LUC7L: variants seen among roughly 807,000 people sequenced by gnomAD.
LUC7L encodes putative RNA-binding protein Luc7-like 1.
Under a neutral mutation model 51.1 loss-of-function variants are expected in LUC7L, and 29 were observed. That is an observed-to-expected ratio of 0.57 (90% CI 0.42 to 0.77). The LOEUF (loss-of-function observed/expected upper bound fraction) is 0.77. LUC7L is among the 30% of genes least tolerant of loss of function. The pLI, the probability that LUC7L is intolerant of heterozygous loss-of-function variation, is 0.00. For synonymous variants in LUC7L, 181 were observed against 180.7 expected (o/e 1.00, Z -0.01); for missense variants, 403 against 511.9 (o/e 0.79, Z 2.05).
chr16:216,422 G>C (rs2049802660), intron 3 of LUC7L, among the ~76,000 whole-genome samples: 1 of 120,938 alleles, frequency 8.3e-6, no homozygotes, highest in Non-Finnish European at 1.6e-5. Context: ...TCGCTCGGTT[G>C]TCCAGGCTGG....
intron 3 of LUC7L, among the ~76,000 whole-genome samples, chr16:213,578 T>G (rs2049704140): frequency 6.6e-6 from 1 of 152,060 alleles, no homozygotes; most frequent in South Asian, 2.1e-4. Context: ...TTTATTTCTG[T>G]ATTTTTATTA....
chr16:225,836 C>T (rs1420283540), intron 2 of LUC7L, among the ~76,000 whole-genome samples: 1 of 151,560 alleles, frequency 6.6e-6, no homozygotes, highest in African/African-American at 2.4e-5. Flanking sequence ...AAAAGAAATA[C>T]TCTCACTCAG....
intron 1 of LUC7L, 99 bp downstream of exon 1, chr16:229,174 CGCGCAG>C (rs762568560): frequency 1.6e-5 from 24 of 1,465,114 alleles, no homozygotes; most frequent in Middle Eastern, 2.4e-4. Context: ...AGCGATGCCC[CGCGCAG>C]GCGCAGGCGC....
intron 3 of LUC7L, among the ~76,000 whole-genome samples, chr16:217,552 C>T (rs923735108): frequency 4.0e-5 from 6 of 148,930 alleles, no homozygotes; most frequent in Non-Finnish European, 7.4e-5. Flanking sequence ...ACTAAAAATA[C>T]AAAAATCAGC....
At chr16:213,695 G>A (rs1307480290) in intron 3 of LUC7L, among the ~76,000 whole-genome samples, 7 of 152,048 alleles carry the variant, frequency 4.6e-5, no homozygotes, top group East Asian at 3.8e-4. Context: ...GTGAGCCACC[G>A]CACCCGGCAG....
At chr16:216,769 TATTGTAC>T (rs2049813556) in intron 3 of LUC7L, among the ~76,000 whole-genome samples, 1 of 152,142 alleles carries the variant, frequency 6.6e-6, no homozygotes, top group Non-Finnish European at 1.5e-5. Context: ...AACTCTTGTA[TATTGTAC>T]ATTTTCACAT....
At chr16:206,369 C>T (rs370784358) in intron 4 of LUC7L, among the ~76,000 whole-genome samples, 2 of 152,224 alleles carry the variant, frequency 1.3e-5, no homozygotes, top group African/African-American at 4.8e-5. Flanking sequence ...TTCCGACATG[C>T]TTCCAAGGAT....
At chr16:200,575 A>AC (rs1028251116) in intron 5 of LUC7L, among the ~76,000 whole-genome samples, 3 of 151,432 alleles carry the variant, frequency 2.0e-5, no homozygotes, top group African/African-American at 7.3e-5. Context: ...AACTCCAAAA[A>AC]GGAAAAAAAA....
chr16:214,136 C>T (rs1255110234), intron 3 of LUC7L, among the ~76,000 whole-genome samples: 1 of 152,012 alleles, frequency 6.6e-6, no homozygotes, highest in Non-Finnish European at 1.5e-5. Flanking sequence ...GGCACGATCT[C>T]GGCTCACTGC....
chr16:222,617 C>A (rs959789478), intron 2 of LUC7L, among the ~76,000 whole-genome samples: 9 of 151,734 alleles, frequency 5.9e-5, no homozygotes, highest in African/African-American at 2.2e-4. Flanking sequence ...CCAGTCTGAG[C>A]AACAGAGACC....
At chr16:194,542 CG>C (rs2049100722) in intron 6 of LUC7L, among the ~76,000 whole-genome samples, 1 of 152,176 alleles carries the variant, frequency 6.6e-6, no homozygotes, top group African/African-American at 2.4e-5. Context: ...TAAAAAAGGA[CG>C]GATGTATCTC....
intron 3 of LUC7L, among the ~76,000 whole-genome samples, chr16:212,218 G>A (rs902323124): frequency 1.3e-5 from 2 of 152,134 alleles, no homozygotes; most frequent in Non-Finnish European, 2.9e-5. Flanking sequence ...ACTTGAACTC[G>A]GGAGGCGGAG....
At chr16:224,215 A>G (rs1163129606) in intron 2 of LUC7L, among the ~76,000 whole-genome samples, 6 of 152,180 alleles carry the variant, frequency 3.9e-5, no homozygotes, top group Admixed American at 3.9e-4. Context: ...CAAGAAAGAT[A>G]TGACATTAGA....
At position 189,115 on chromosome 16, in the gene LUC7L, T is replaced by G. The variant is rs2142029408; in HGVS notation, c.*83A>C. 219 of 1,379,602 alleles carry G rather than the reference T, an allele frequency of 1.6e-4. No homozygotes were observed. Among genetic ancestry groups the G allele is most frequent in the Non-Finnish European group, 2.0e-4 (199 of 1,006,812 alleles). The allele number at this position is 1,379,602 out of a possible 1,614,324, so 85.5% of individuals were successfully genotyped here. On this transcript the variant is annotated 3_prime_UTR_variant, in exon 10 of 10. Transcript: ENST00000293872. Reference sequence around the variant, plus strand: ...AATAGAAATTTTAAACTACAAAAGATGAGTTGTATTCAGCAAATATAAAGG... The same window carrying G: ...AATAGAAATTTTAAACTACAAAAGAGGAGTTGTATTCAGCAAATATAAAGG...
At chr16:221,658 G>A (rs1489512903) in intron 2 of LUC7L, among the ~76,000 whole-genome samples, 1 of 151,924 alleles carries the variant, frequency 6.6e-6, no homozygotes, top group Non-Finnish European at 1.5e-5. Context: ...AGCCAAGACT[G>A]TGCCACTGCA....
chr16:194,451 G>A (rs149294557), intron 6 of LUC7L, among the ~76,000 whole-genome samples: 1 of 152,310 alleles, frequency 6.6e-6, no homozygotes, highest in African/African-American at 2.4e-5. Flanking sequence ...TCTAAGTGGT[G>A]CTATACTTCT....
At chr16:208,388 T>C in intron 3 of LUC7L, 200 bp from the exon 4 acceptor site, 1 of 488,206 alleles carries the variant, frequency 2.0e-6, no homozygotes, top group Middle Eastern at 3.9e-4. Flanking sequence ...AGAATGATTG[T>C]TTGGAAGCAT....
chr16:208,238 A>G (rs374976325), intron 3 of LUC7L, 50 bp from the exon 4 acceptor site: 114 of 1,373,282 alleles, frequency 8.3e-5, no homozygotes, highest in Non-Finnish European at 1.1e-4. Flanking sequence ...TAAAGCGTAA[A>G]GTCTTAGAAC....
Position 194,814 on chromosome 16 carries a change from G to A in LUC7L, c.688-1799C>T, listed in dbSNP as rs371287268. 1.1e-4 allele frequency among the ~76,000 whole-genome samples: 16 copies of A among 152,216 alleles called. No individual in the cohort carries two copies. In the East Asian group the frequency reaches 1.5e-3, roughly 15 times the overall value. On this transcript the variant is annotated intron_variant, in intron 6 of 9. Coordinates refer to ENST00000293872, the MANE Select transcript of LUC7L (RefSeq NM_201412.3). Reference sequence around the variant, plus strand: ...AACACAAGCTGAGTGGAAAAGCACCGGGCACCGTTCTGTATACCCACTACT... The same window carrying A: ...AACACAAGCTGAGTGGAAAAGCACCAGGCACCGTTCTGTATACCCACTACT...
Sources: gnomAD v4.1 joint callset for allele counts (sites outside exome capture counted in the v4.1 genomes callset) on GRCh38, gnomAD v4.1.1 for gene constraint, MANE v1.5 for transcripts, NCBI Gene and HGNC (gene_info 2026-07-23, HGNC 2026-07-21) for gene names.